The following TRPM7 variants were observed in gnomAD, a reference collection of about 807,000 sequenced individuals.
TRPM7 encodes the protein LTRPC ion channel family member 7.
Under a neutral mutation model 229.7 loss-of-function variants are expected in TRPM7, and 134 were observed. The observed-to-expected ratio is 0.58, with a 90% CI of 0.51 to 0.67. TRPM7 has a LOEUF of 0.67. Ranked by LOEUF, TRPM7 falls within the 30% of genes least tolerant of loss-of-function variation. The probability of loss-of-function intolerance (pLI) is 0.00; values close to 1 mark genes in which losing one functional copy is unlikely to be tolerated. For missense variants in TRPM7, 1,901 were observed against 2,210.0 expected (o/e 0.86, Z 2.80); for synonymous variants, 699 against 715.2 (o/e 0.98, Z 0.36).
At chr15:50,671,817 T>A (rs1303631003) in intron 1 of TRPM7, among the ~76,000 whole-genome samples, 1 of 151,858 alleles carries the variant, frequency 6.6e-6, no homozygotes, top group African/African-American at 2.4e-5. Context: ...AAAAAAAAAT[T>A]CCTATGGCCT....
intron 1 of TRPM7, among the ~76,000 whole-genome samples, chr15:50,683,589 C>T (rs375735421): frequency 6.6e-6 from 1 of 152,042 alleles, no homozygotes; most frequent in South Asian, 2.1e-4. Context: ...CAAAAATTAG[C>T]CGGGTGTGGT....
In TRPM7 at chr15:50,653,016, T is replaced by A. The variant is rs28459265; in HGVS notation, c.123-4131A>T. On this transcript the variant is annotated intron_variant, in intron 3 of 38. Transcript: ENST00000646667. Reference sequence around the variant, plus strand: ...CTCTACAAAAATTAGCCAGGCATGGTGGCATGCACCTGTGGTCACAGTTAC... The same window carrying A: ...CTCTACAAAAATTAGCCAGGCATGGAGGCATGCACCTGTGGTCACAGTTAC... Among the ~76,000 whole-genome samples the A allele has an allele frequency of 8.0e-3, 1,213 of 152,146 alleles. 20 individuals are homozygous for A. The highest frequency in any genetic ancestry group is 0.028 in the African/African-American group (1,162 of 41,518).
chr15:50,661,447 T>C (rs988471420), intron 2 of TRPM7, among the ~76,000 whole-genome samples: 8 of 152,204 alleles, frequency 5.3e-5, no homozygotes, highest in African/African-American at 1.9e-4. Context: ...ACTCTACGTA[T>C]TGCTTCAACT....
chr15:50,583,404 C>T (rs923232551), intron 28 of TRPM7, among the ~76,000 whole-genome samples: 2 of 152,072 alleles, frequency 1.3e-5, no homozygotes, highest in African/African-American at 4.8e-5. Flanking sequence ...AAATTTCTCC[C>T]CCTCCTGTTC....
intron 1 of TRPM7, among the ~76,000 whole-genome samples, chr15:50,680,041 C>T (rs971843522): frequency 2.0e-5 from 3 of 151,972 alleles, no homozygotes; most frequent in African/African-American, 7.3e-5. Flanking sequence ...CGAGACCAGC[C>T]TGGTCAACAT....
At chr15:50,635,412 C>T (rs1277297459) in intron 7 of TRPM7, among the ~76,000 whole-genome samples, 1 of 151,038 alleles carries the variant, frequency 6.6e-6, no homozygotes, top group Admixed American at 6.6e-5. Context: ...GCCTGTAATC[C>T]CAGCACTTTG....
intron 17 of TRPM7, among the ~76,000 whole-genome samples, chr15:50,610,883 T>C (rs965905353): frequency 1.6e-4 from 24 of 152,104 alleles, no homozygotes; most frequent in Admixed American, 1.2e-3. Flanking sequence ...ATAATCATTA[T>C]AGACACCTGA....
rs952626242 is a variant in TRPM7 at position 50,557,921 on chromosome 15, G to C, written c.*3757C>G. 6.6e-6 allele frequency: 1 copy of C among 152,238 alleles called. No individual in the cohort carries two copies. Among genetic ancestry groups the C allele is most frequent in the African/African-American group, 2.4e-5 (1 of 41,456 alleles). 9.4% of individuals were successfully genotyped at this position (152,238 alleles called of 1,614,324 possible). A position where few individuals can be genotyped will look rare whatever the true frequency, so the allele number is the denominator to read the frequency against. On this transcript the variant is annotated 3_prime_UTR_variant, in exon 39 of 39. Transcript: ENST00000646667. The stretch of plus-strand genomic sequence containing the variant: ...GGCCTCCCAAAGTGATGGAATTACA[G>C]GCGTGAGCCACTGCACCTGGCCGAG...
At chr15:50,658,478 G>C (rs572173418) in intron 2 of TRPM7, among the ~76,000 whole-genome samples, 16 of 151,768 alleles carry the variant, frequency 1.1e-4, no homozygotes, top group Non-Finnish European at 2.1e-4. Context: ...GCTGAGGTGG[G>C]AGGATTCCTT....
rs904011301 is a variant in TRPM7, at chr15:50,563,246, A to G, written c.5468-1438T>C. On this transcript the variant is annotated intron_variant, in intron 38 of 38. Transcript: ENST00000646667. ...GAACTGTGTAGCTGGGACAGACCAC[A>G]TGGTCTACAAAGCCTAAAATATTTG... Among the ~76,000 whole-genome samples, 6 of 152,118 alleles carry G rather than the reference A, an allele frequency of 3.9e-5. No individual in the cohort carries two copies. In the East Asian group the frequency reaches 7.7e-4, roughly 20 times the overall value.
At chr15:50,684,702 G>A (rs180793940) in intron 1 of TRPM7, among the ~76,000 whole-genome samples, 73 of 152,186 alleles carry the variant, frequency 4.8e-4, no homozygotes, top group South Asian at 4.2e-3. Context: ...TGACACTACA[G>A]GGATGCATTC....
intron 31 of TRPM7, among the ~76,000 whole-genome samples, chr15:50,576,150 C>G (rs1430277562): frequency 1.3e-5 from 2 of 152,204 alleles, no homozygotes; most frequent in African/African-American, 4.8e-5. Flanking sequence ...GCACATTATG[C>G]TGCACACTAT....
intron 4 of TRPM7, among the ~76,000 whole-genome samples, chr15:50,646,103 C>A (rs1298294104): frequency 8.6e-6 from 1 of 115,852 alleles, no homozygotes; most frequent in African/African-American, 3.1e-5. Flanking sequence ...GGCAACAGAG[C>A]GAGTCTCAAA....
In TRPM7 at chr15:50,607,196, A is replaced by T. The variant is rs1310563769; in HGVS notation, c.2709+4T>A. On this transcript the variant is annotated splice_donor_region_variant and intron_variant, in intron 20 of 38. Coordinates refer to ENST00000646667, the MANE Select transcript of TRPM7 (RefSeq NM_017672.6). The stretch of plus-strand genomic sequence containing the variant: ...TTATTGGTAGAAAAAAACTAAAGAC[A>T]TACCTCACGGACTTTCTCAATGGCA... 2.5e-6 allele frequency: 4 copies of T among 1,598,214 alleles called. No individual in the cohort carries two copies. Among genetic ancestry groups the T allele is most frequent in the Non-Finnish European group, 1.7e-6 (2 of 1,175,578 alleles).
At chr15:50,686,078 GCC>G (rs1335062406) in intron 1 of TRPM7, among the ~76,000 whole-genome samples, 1 of 152,154 alleles carries the variant, frequency 6.6e-6, no homozygotes, top group Non-Finnish European at 1.5e-5. Flanking sequence ...CACCCTTCTA[GCC>G]CTCCCTCCCT....
At chr15:50,670,661 C>T (rs1426871151) in intron 1 of TRPM7, among the ~76,000 whole-genome samples, 2 of 152,016 alleles carry the variant, frequency 1.3e-5, no homozygotes, top group East Asian at 3.9e-4. Context: ...ATTAATAATC[C>T]ACTCCTTGCT....
At chr15:50,563,651 C>T (rs114092066) in intron 38 of TRPM7, among the ~76,000 whole-genome samples, 2,097 of 152,230 alleles carry the variant, frequency 0.014, 46 homozygotes, top group African/African-American at 0.049. Context: ...AAACAGAGTT[C>T]TATGTAGGGT....
intron 21 of TRPM7, among the ~76,000 whole-genome samples, chr15:50,602,940 T>TA (rs1376759409): frequency 6.6e-6 from 1 of 152,156 alleles, no homozygotes; most frequent in Admixed American, 6.6e-5. Context: ...ACATTACCAT[T>TA]AAAGTAACTA....
In TRPM7 at chr15:50,611,327, A is replaced by T; in HGVS notation, c.2052-6T>A. The T allele has an allele frequency of 6.2e-7, 1 of 1,608,080 alleles. No individual in the cohort carries two copies. The highest frequency in any genetic ancestry group is 8.5e-7 in the Non-Finnish European group (1 of 1,176,514). ...CGGCCAACTGACCAAAATCACTATA[A>T]AAAGATAAAAGCCAAAATATACTCA... is the stretch of plus-strand genomic sequence containing the variant. On this transcript the variant is annotated splice_polypyrimidine_tract_variant and splice_region_variant and intron_variant, in intron 16 of 38. Coordinates refer to ENST00000646667, the MANE Select transcript of TRPM7 (RefSeq NM_017672.6).
Sources: allele counts gnomAD v4.1 joint callset (sites outside exome capture counted in the v4.1 genomes callset), GRCh38; gene constraint gnomAD v4.1.1; transcripts MANE v1.5; gene names NCBI Gene and HGNC (gene_info 2026-07-23, HGNC 2026-07-21).